IL1RAPL2: variants seen among roughly 807,000 people sequenced by gnomAD.
IL1RAPL2 encodes the protein X-linked interleukin-1 receptor accessory protein-like 2.
IL1RAPL2 carries 3 observed loss-of-function variants against 44.1 expected under a neutral mutation model. The ratio of observed to expected loss-of-function variants is 0.07; its 90% CI spans 0.03 to 0.18. IL1RAPL2 has a LOEUF of 0.18. Ranked by LOEUF, IL1RAPL2 falls within the 10% of genes least tolerant of loss-of-function variation. IL1RAPL2 has a pLI of 1.00. For missense variants in IL1RAPL2, 391 were observed against 496.4 expected, an observed-to-expected ratio of 0.79 and a Z score of 2.02; for synonymous variants, 181 against 178.8, an observed-to-expected ratio of 1.01 and a Z score of -0.10.
chrX:105,048,591 C>T (rs1377702525), intron 2 of IL1RAPL2, among the ~76,000 whole-genome samples: 1 of 111,158 alleles, frequency 9.0e-6, no homozygotes, highest in Non-Finnish European at 1.9e-5. Context: ...TTTATAATTA[C>T]AGCATATTTC....
chrX:105,289,732 A>C (rs185214748), intron 5 of IL1RAPL2, among the ~76,000 whole-genome samples: 6 of 111,558 alleles, frequency 5.4e-5, no homozygotes, highest in Admixed American at 2.9e-4. Flanking sequence ...CTAAGTAGAA[A>C]TGTTGGATGG....
intron 2 of IL1RAPL2, among the ~76,000 whole-genome samples, chrX:105,088,030 C>T (rs1385037723): frequency 1.8e-5 from 2 of 112,122 alleles, no homozygotes; most frequent in African/African-American, 3.2e-5. Context: ...ATGACTCTTT[C>T]GTTAAGATCT....
chrX:104,990,418 GT>G (rs58912564), intron 2 of IL1RAPL2, among the ~76,000 whole-genome samples: 1 of 107,871 alleles, frequency 9.3e-6, no homozygotes, highest in Non-Finnish European at 1.9e-5. Context: ...GGAGGTGTAT[GT>G]TTTTTTTTAA....
chrX:105,510,692 T>A (rs1312011068), intron 6 of IL1RAPL2, among the ~76,000 whole-genome samples: 1 of 111,515 alleles, frequency 9.0e-6, no homozygotes, highest in African/African-American at 3.3e-5. Flanking sequence ...TGATATGATG[T>A]CATGTCAGAA....
Position 105,014,175 on chromosome X carries a change from CTTTAA to C in IL1RAPL2, c.83-181295_83-181291del, listed in dbSNP as rs767389953. ...TTTTTCCCCAGGGAACATAGCTTCA[CTTTAA>C]TTTATTTTTTATTGTTACATAATAT... On this transcript the variant is annotated intron_variant, in intron 2 of 10. Transcript: ENST00000372582. 1.5e-3 allele frequency among the ~76,000 whole-genome samples: 166 copies of C among 111,458 alleles called. 1 individual carries two copies. Among genetic ancestry groups the C allele is most frequent in the African/African-American group, 4.7e-3 (144 of 30,764 alleles).
chrX:105,706,076 G>GACAGA, intron 6 of IL1RAPL2, among the ~76,000 whole-genome samples: 1 of 110,657 alleles, frequency 9.0e-6, no homozygotes, highest in Admixed American at 9.7e-5. Flanking sequence ...ACTTATTGAA[G>GACAGA]ACAGAACTAG....
intron 5 of IL1RAPL2, among the ~76,000 whole-genome samples, chrX:105,452,673 A>AG (rs370182798): frequency 0.033 from 3,607 of 109,990 alleles, 154 homozygotes; most frequent in African/African-American, 0.11. Context: ...AATAGATAAA[A>AG]GGGGGGGGAC....
At position 105,142,828 on chromosome X, in the gene IL1RAPL2, C is replaced by T. The variant is rs558790433; in HGVS notation, c.83-52647C>T. ...GTGTGTGATGTTCCCCTTCCTGTGT[C>T]CATGTGTTCTCATTGTTCAATTCCC... On this transcript the variant is annotated intron_variant, in intron 2 of 10. Coordinates refer to ENST00000372582, the MANE Select transcript of IL1RAPL2 (RefSeq NM_017416.2). Among the ~76,000 whole-genome samples, 184 of 109,341 alleles carry T rather than the reference C, an allele frequency of 1.7e-3. 2 individuals are homozygous for T. The highest frequency in any genetic ancestry group is 5.3e-3 in the South Asian group (13 of 2,446). The allele number at this position is 109,341 out of a possible 115,157, so 94.9% of individuals were successfully genotyped here. A position where few individuals can be genotyped will look rare whatever the true frequency, so the allele number is the denominator to read the frequency against.
chrX:104,595,911 C>A (rs911495088), intron 1 of IL1RAPL2, among the ~76,000 whole-genome samples: 2 of 69,408 alleles, frequency 2.9e-5, no homozygotes, highest in African/African-American at 1.9e-4. Context: ...GCCCAGGAAC[C>A]TTTTTTATTT....
chrX:105,036,300 C>G (rs992976785), intron 2 of IL1RAPL2, among the ~76,000 whole-genome samples: 2 of 111,759 alleles, frequency 1.8e-5, no homozygotes, highest in Non-Finnish European at 3.8e-5. Flanking sequence ...AATGAGAACA[C>G]AGAAAGTTTA....
chrX:105,289,936 G>A (rs1448198563), intron 5 of IL1RAPL2, among the ~76,000 whole-genome samples: 1 of 111,609 alleles, frequency 9.0e-6, no homozygotes, highest in Non-Finnish European at 1.9e-5. Context: ...GGAAGATTGA[G>A]GAGGAGTATT....
At chrX:104,659,880 T>C (rs373849541) in intron 2 of IL1RAPL2, among the ~76,000 whole-genome samples, 38 of 111,695 alleles carry the variant, frequency 3.4e-4, no homozygotes, top group Middle Eastern at 4.6e-3. Context: ...AAAATGCGGA[T>C]TGGGGGGAGG....
intron 3 of IL1RAPL2, among the ~76,000 whole-genome samples, chrX:105,199,646 T>C (rs1438769096): frequency 5.4e-5 from 6 of 111,949 alleles, no homozygotes; most frequent in Non-Finnish European, 1.1e-4. Flanking sequence ...CAGATTGGCC[T>C]TTTTTATGTC....
At chrX:104,822,192 G>C (rs1387188835) in intron 2 of IL1RAPL2, among the ~76,000 whole-genome samples, 2 of 111,649 alleles carry the variant, frequency 1.8e-5, no homozygotes, top group Non-Finnish European at 3.8e-5. Flanking sequence ...CTCCCATTCT[G>C]TAGGTTGCCT....
intron 2 of IL1RAPL2, among the ~76,000 whole-genome samples, chrX:104,910,619 G>T (rs2147682935): frequency 9.0e-6 from 1 of 111,445 alleles, no homozygotes; most frequent in African/African-American, 3.3e-5. Context: ...TCCTTTTTGT[G>T]TATGGTCAGT....
At chrX:105,534,278 A>G (rs2036662134) in intron 6 of IL1RAPL2, among the ~76,000 whole-genome samples, 1 of 111,958 alleles carries the variant, frequency 8.9e-6, no homozygotes. Context: ...TATATTTCTA[A>G]TTAAGGTAAT....
intron 2 of IL1RAPL2, among the ~76,000 whole-genome samples, chrX:105,128,561 G>A (rs1430516568): frequency 9.0e-6 from 1 of 110,816 alleles, no homozygotes; most frequent in Non-Finnish European, 1.9e-5. Flanking sequence ...TATTAAAAAA[G>A]GTATAGTGTT....
intron 5 of IL1RAPL2, among the ~76,000 whole-genome samples, chrX:105,385,494 T>C (rs2035469585): frequency 9.0e-6 from 1 of 110,844 alleles, no homozygotes; most frequent in Non-Finnish European, 1.9e-5. Flanking sequence ...TACAACATAG[T>C]ACATCATACC....
At chrX:105,150,379 T>C (rs756149518) in intron 2 of IL1RAPL2, among the ~76,000 whole-genome samples, 12 of 112,167 alleles carry the variant, frequency 1.1e-4, no homozygotes, top group African/African-American at 3.2e-4. Context: ...CATTGAGGGT[T>C]AAAAATCTAT....
Sources: gnomAD v4.1 joint callset for allele counts (sites outside exome capture counted in the v4.1 genomes callset) on GRCh38, gnomAD v4.1.1 for gene constraint, MANE v1.5 for transcripts, NCBI Gene and HGNC (gene_info 2026-07-23, HGNC 2026-07-21) for gene names.